The following KCNQ1OT1 variants were observed in gnomAD, a reference collection of about 807,000 sequenced individuals.
KCNQ1OT1 encodes KCNQ1 antisense RNA 2 (non-protein coding).
chr11:2,660,390 T>G (rs1849930780), exon 1 of KCNQ1OT1: 1 of 398,454 alleles, frequency 2.5e-6, no homozygotes, highest in Admixed American at 4.4e-5. Context: ...AAACCTTCCT[T>G]TTTTATAAAG....
In KCNQ1OT1 at chr11:2,617,751, T is replaced by C. The variant is rs1448888335; in HGVS notation, n.82244A>G. 2.5e-6 allele frequency: 1 copy of C among 398,436 alleles called. No homozygotes were observed. Among genetic ancestry groups the C allele is most frequent in the African/African-American group, 2.1e-5 (1 of 48,618 alleles). The allele number at this position is 398,436 out of a possible 1,614,324, so 24.7% of individuals were successfully genotyped here. On this transcript the variant is annotated non_coding_transcript_exon_variant, in exon 1 of 1. Transcript: ENST00000597346. This position sits in a 1 kb window ranked among gnomAD's most constrained non-coding sequence, Gnocchi z 4.6. ...CTCATGAGTGTGAGGTGATATCGCA[T>C]AGTAATTTTGATTTGCATTTCCCTG... is the stretch of plus-strand genomic sequence containing the variant.
rs1850292580 is a variant in KCNQ1OT1, at chr11:2,676,257, T to C, written n.23738A>G. ...TATGGTGCAGTACATCTGAGAAGCATTTTTATTGCAAAATGTGTGTTTACA... is the reference window on the plus strand; with the variant it reads ...TATGGTGCAGTACATCTGAGAAGCACTTTTATTGCAAAATGTGTGTTTACA... On this transcript the variant is annotated non_coding_transcript_exon_variant, in exon 1 of 1. Coordinates refer to ENST00000597346, the Ensembl canonical transcript of KCNQ1OT1. This position sits in a 1 kb window ranked among gnomAD's most constrained non-coding sequence, Gnocchi z 4.2. The C allele has an allele frequency of 2.5e-6, 1 of 398,540 alleles. No homozygotes were observed. Among genetic ancestry groups the C allele is most frequent in the South Asian group, 1.3e-4 (1 of 7,864 alleles). 24.7% of individuals were successfully genotyped at this position (398,540 alleles called of 1,614,324 possible).
rs1408429289 is a variant in KCNQ1OT1 at position 2,657,432 on chromosome 11, G to A, written n.42563C>T. 1.5e-5 allele frequency: 6 copies of A among 398,388 alleles called. No individual in the cohort carries two copies. Among genetic ancestry groups the A allele is most frequent in the Admixed American group, 1.3e-4 (3 of 22,710 alleles). 24.7% of individuals were successfully genotyped at this position (398,388 alleles called of 1,614,324 possible). A position where few individuals can be genotyped will look rare whatever the true frequency, so the allele number is the denominator to read the frequency against. On this transcript the variant is annotated non_coding_transcript_exon_variant, in exon 1 of 1. Coordinates refer to ENST00000597346, the Ensembl canonical transcript of KCNQ1OT1. This position sits in a 1 kb window ranked among gnomAD's most constrained non-coding sequence, Gnocchi z 4.8. ...CAGAGTTCTTGCATATACTTAGTTA[G>A]ATAATTAATATTCTTTTGTGCTATT...
Position 2,617,913 on chromosome 11 carries a change from C to G in KCNQ1OT1, n.82082G>C, listed in dbSNP as rs1333576224. On this transcript the variant is annotated non_coding_transcript_exon_variant, in exon 1 of 1. Coordinates refer to ENST00000597346, the Ensembl canonical transcript of KCNQ1OT1. The surrounding 1 kb of genome is among the most constrained non-coding windows in gnomAD (Gnocchi z 4.6). ...TTCTTGTTATTGAGTTGTATGCATT[C>G]CTTATAAATTTTGGATATTATCCTC... 1.8e-5 allele frequency: 7 copies of G among 398,332 alleles called. No homozygotes were observed. The highest frequency in any genetic ancestry group is 3.1e-5 in the Non-Finnish European group (7 of 225,998). 24.7% of individuals were successfully genotyped at this position (398,332 alleles called of 1,614,324 possible). A position where few individuals can be genotyped will look rare whatever the true frequency, so the allele number is the denominator to read the frequency against.
At chr11:2,648,558 A>G (rs570945412) in exon 1 of KCNQ1OT1, 2 of 398,296 alleles carry the variant, frequency 5.0e-6, no homozygotes, top group Non-Finnish European at 8.8e-6. Flanking sequence ...ATGTAGTTTG[A>G]TTTCCGTGTA....
exon 1 of KCNQ1OT1, chr11:2,630,004 G>A (rs1849327144): frequency 2.5e-6 from 1 of 396,976 alleles, no homozygotes; most frequent in Non-Finnish European, 4.4e-6. Flanking sequence ...CCTCATCTTA[G>A]AGGAGAGGCA....
exon 1 of KCNQ1OT1, chr11:2,689,282 T>A: frequency 2.5e-6 from 1 of 398,662 alleles, no homozygotes; most frequent in Non-Finnish European, 4.4e-6. Context: ...TGCACAGATA[T>A]CTCCCACTCC....
chr11:2,672,321 G>C, exon 1 of KCNQ1OT1: 1 of 398,574 alleles, frequency 2.5e-6, no homozygotes, highest in East Asian at 3.6e-5. Flanking sequence ...GCTCAAGGGG[G>C]CCTGGTGTGG....
chr11:2,622,238 T>TG, exon 1 of KCNQ1OT1: 1 of 398,426 alleles, frequency 2.5e-6, no homozygotes, highest in Non-Finnish European at 4.4e-6. Context: ...CTCTATATTT[T>TG]GGTGTGTATA....
In KCNQ1OT1 at chr11:2,661,712, G is replaced by A; in HGVS notation, n.38283C>T. 1 of 610,732 alleles carries A rather than the reference G, an allele frequency of 1.6e-6. No individual in the cohort carries two copies. The highest frequency in any genetic ancestry group is 1.9e-5 in the South Asian group (1 of 52,204). The allele number at this position is 610,732 out of a possible 1,614,324, so 37.8% of individuals were successfully genotyped here. Reference sequence around the variant, plus strand: ...CTTGGACACCTGAGCACAGCCCCAGGCACAGTTACCACTCCGAAGATGATT... The same window carrying A: ...CTTGGACACCTGAGCACAGCCCCAGACACAGTTACCACTCCGAAGATGATT... On this transcript the variant is annotated non_coding_transcript_exon_variant, in exon 1 of 1. Coordinates refer to ENST00000597346, the Ensembl canonical transcript of KCNQ1OT1. This position sits in a 1 kb window ranked among gnomAD's most constrained non-coding sequence, Gnocchi z 5.9.
rs1850345046 is a variant in KCNQ1OT1 at position 2,679,204 on chromosome 11, C to T, written n.20791G>A. 9 of 398,616 alleles carry T rather than the reference C, an allele frequency of 2.3e-5. No homozygotes were observed. The South Asian group carries it at 1.0e-3, about 45-fold the overall frequency. The allele number at this position is 398,616 out of a possible 1,614,324, so 24.7% of individuals were successfully genotyped here. ...GTTAGGCCACCTGTAACAATGCAGC[C>T]CCATCCATGTGAAGCTGGTCCAGAG... On this transcript the variant is annotated non_coding_transcript_exon_variant, in exon 1 of 1. Coordinates refer to ENST00000597346, the Ensembl canonical transcript of KCNQ1OT1. The surrounding 1 kb of genome is among the most constrained non-coding windows in gnomAD (Gnocchi z 4.8).
chr11:2,697,422 G>A (rs565140712), exon 1 of KCNQ1OT1: 1 of 398,442 alleles, frequency 2.5e-6, no homozygotes, highest in East Asian at 3.6e-5. Context: ...TGACATCCTT[G>A]GCCTACTCCT....
In KCNQ1OT1 at chr11:2,665,087, A is replaced by G. The variant is rs568687611; in HGVS notation, n.34908T>C. ...TGACAAGCTGAGGCACGGGGTACCC[A>G]GGAGATAAAGAGTGGCGTCGCTGCA... On this transcript the variant is annotated non_coding_transcript_exon_variant, in exon 1 of 1. Transcript: ENST00000597346. The G allele has an allele frequency of 2.4e-4, 95 of 398,532 alleles. 1 individual carries two copies. The South Asian group carries it at 0.011, about 48-fold the overall frequency. 24.7% of individuals were successfully genotyped at this position (398,532 alleles called of 1,614,324 possible).
chr11:2,680,537 G>T, exon 1 of KCNQ1OT1: 1 of 398,254 alleles, frequency 2.5e-6, no homozygotes, highest in East Asian at 3.6e-5. Flanking sequence ...CATTTCTCAT[G>T]CAGTTCTAAG....
chr11:2,618,221 A>G (rs992683746), exon 1 of KCNQ1OT1: 1 of 398,398 alleles, frequency 2.5e-6, no homozygotes, highest in African/African-American at 2.1e-5. Context: ...GCGATATCAA[A>G]TCTTTTGGCT....
chr11:2,684,273 T>C (rs1850447941), exon 1 of KCNQ1OT1: 1 of 398,060 alleles, frequency 2.5e-6, no homozygotes, highest in Non-Finnish European at 4.4e-6. Context: ...AAAAGGGGAG[T>C]TGGTTAGGCT....
exon 1 of KCNQ1OT1, chr11:2,619,719 T>G (rs1407942522): frequency 7.5e-6 from 3 of 398,310 alleles, no homozygotes; most frequent in Non-Finnish European, 1.3e-5. Context: ...TGCATTTTTT[T>G]TTTTTTGGAA....
chr11:2,661,211 C>T lies in KCNQ1OT1; in HGVS notation n.38784G>A. 1 of 398,552 alleles carries T rather than the reference C, an allele frequency of 2.5e-6. No individual in the cohort carries two copies. The highest frequency in any genetic ancestry group is 4.4e-6 in the Non-Finnish European group (1 of 226,126). The allele number at this position is 398,552 out of a possible 1,614,324, so 24.7% of individuals were successfully genotyped here. A position where few individuals can be genotyped will look rare whatever the true frequency, so the allele number is the denominator to read the frequency against. On this transcript the variant is annotated non_coding_transcript_exon_variant, in exon 1 of 1. Coordinates refer to ENST00000597346, the Ensembl canonical transcript of KCNQ1OT1. The surrounding 1 kb of genome is among the most constrained non-coding windows in gnomAD (Gnocchi z 5.9). ...AGCCATTGTGAATCTTTGAATTATT[C>T]CACTTCTCACAGATGAGTACTTAAT...
exon 1 of KCNQ1OT1, chr11:2,619,918 G>A: frequency 2.5e-6 from 1 of 398,186 alleles, no homozygotes. Context: ...ATGGTATATG[G>A]AGTATACTGC....
Sources: gnomAD v4.1 joint callset for allele counts on GRCh38, gnomAD v4.1.1 for gene constraint, Gnocchi (gnomAD v3.1) non-coding constraint, MANE v1.5 for transcripts, NCBI Gene and HGNC (gene_info 2026-07-23, HGNC 2026-07-21) for gene names.